Variants in PTK2 observed in about 807,000 individuals in gnomAD.
PTK2 encodes protein tyrosine kinase 2, also known as focal adhesion kinase 1.
Under a neutral mutation model 150.1 loss-of-function variants are expected in PTK2, and 45 were observed. The observed-to-expected ratio is 0.30, with a 90% CI of 0.24 to 0.38. PTK2 has a LOEUF of 0.38. PTK2 is among the 10% of genes least tolerant of loss of function. The pLI is 1.00. For missense variants in PTK2, 919 were observed against 1,307.3 expected (o/e 0.70, Z 4.58); for synonymous variants, 432 against 449.2 (o/e 0.96, Z 0.48).
intron 27 of PTK2, among the ~76,000 whole-genome samples, chr8:140,686,226 C>A (rs757320107): frequency 1.3e-5 from 2 of 151,996 alleles, no homozygotes; most frequent in Non-Finnish European, 2.9e-5. Context: ...CAACAGACTC[C>A]GGGGCCCACT....
chr8:140,854,423 A>C (rs1373672586), intron 5 of PTK2, among the ~76,000 whole-genome samples: 1 of 152,226 alleles, frequency 6.6e-6, no homozygotes, highest in Non-Finnish European at 1.5e-5. Context: ...CCAATGAAAT[A>C]CTTATAACTT....
intron 1 of PTK2, among the ~76,000 whole-genome samples, chr8:141,000,127 C>CACACACACACACACACACA (rs58481152): frequency 0.016 from 2,026 of 123,720 alleles, 66 homozygotes; most frequent in African/African-American, 0.021. Context: ...ACACACACAC[C>CACACACACACACACACACA]CCTTCTTCTA....
At chr8:140,966,333 C>T (rs1328813083) in intron 1 of PTK2, among the ~76,000 whole-genome samples, 3 of 152,196 alleles carry the variant, frequency 2.0e-5, no homozygotes, top group Non-Finnish European at 4.4e-5. Flanking sequence ...ATTCTGATAA[C>T]CGCTTTTTGC....
At chr8:140,849,029 G>C (rs1229688292) in intron 5 of PTK2, among the ~76,000 whole-genome samples, 1 of 151,954 alleles carries the variant, frequency 6.6e-6, no homozygotes, top group Non-Finnish European at 1.5e-5. Context: ...TTGTAAAAAT[G>C]AAAAAGGGGG....
intron 2 of PTK2, among the ~76,000 whole-genome samples, chr8:140,916,144 T>G (rs966255625): frequency 6.6e-6 from 1 of 152,210 alleles, no homozygotes; most frequent in East Asian, 1.9e-4. Flanking sequence ...GTCTTTCTGT[T>G]AAGACATCTG....
At chr8:140,679,690 C>A (rs1219080063) in intron 27 of PTK2, among the ~76,000 whole-genome samples, 4 of 152,134 alleles carry the variant, frequency 2.6e-5, no homozygotes, top group Non-Finnish European at 5.9e-5. Context: ...ATGCTGTCAA[C>A]CTGTGTATTA....
chr8:140,753,257 G>A (rs2100063820), intron 16 of PTK2, among the ~76,000 whole-genome samples: 1 of 152,180 alleles, frequency 6.6e-6, no homozygotes, highest in Non-Finnish European at 1.5e-5. Context: ...ATACTCTGAA[G>A]CTAGGGCAAA....
intron 18 of PTK2, among the ~76,000 whole-genome samples, chr8:140,745,797 C>T (rs1464702788): frequency 1.3e-5 from 2 of 151,984 alleles, no homozygotes; most frequent in Non-Finnish European, 1.5e-5. Flanking sequence ...GTCAGGGGTT[C>T]GAGACCAGCC....
At chr8:140,820,890 G>A (rs2100108158) in intron 8 of PTK2, 2 of 152,264 alleles carry the variant, frequency 1.3e-5, no homozygotes, top group South Asian at 4.2e-4. Flanking sequence ...GAGCAGCCAG[G>A]GGCCCAGGTT....
rs533089786 is a variant in PTK2, at chr8:140,679,003, GTTTTT to G, written c.2563-3509_2563-3505del. 2.2e-3 allele frequency among the ~76,000 whole-genome samples: 149 copies of G among 68,954 alleles called. 2 individuals carry two copies. Among genetic ancestry groups the G allele is most frequent in the African/African-American group, 5.8e-3 (91 of 15,706 alleles). The allele number at this position is 68,954 out of a possible 152,430, so 45.2% of individuals were successfully genotyped here. ...TCACGGCCAGCTGAGTGCTCCCCAT[GTTTTT>G]TTTTTTTTTTTTTTTTTTTTTTTTT... On this transcript the variant is annotated intron_variant, in intron 27 of 31. Transcript: ENST00000522684.
chr8:140,781,923 G>A (rs1348640904), intron 14 of PTK2, among the ~76,000 whole-genome samples: 1 of 152,212 alleles, frequency 6.6e-6, no homozygotes, highest in African/African-American at 2.4e-5. Context: ...GTAATGGTGG[G>A]AGAGGGAGGG....
At chr8:140,895,728 T>G (rs748965055) in intron 2 of PTK2, among the ~76,000 whole-genome samples, 5 of 152,116 alleles carry the variant, frequency 3.3e-5, no homozygotes, top group Non-Finnish European at 5.9e-5. Context: ...TTAGAATGTT[T>G]GTAACACCAA....
At chr8:140,951,462 G>A (rs1397846552) in intron 1 of PTK2, among the ~76,000 whole-genome samples, 1 of 152,158 alleles carries the variant, frequency 6.6e-6, no homozygotes, top group African/African-American at 2.4e-5. Context: ...CTGACCATCT[G>A]TCCAGAATTT....
chr8:140,671,414 G>A (rs2095386299), intron 29 of PTK2, among the ~76,000 whole-genome samples: 1 of 152,058 alleles, frequency 6.6e-6, no homozygotes, highest in Non-Finnish European at 1.5e-5. Context: ...TAGAGACAGG[G>A]TTTTGCCATG....
intron 4 of PTK2, among the ~76,000 whole-genome samples, chr8:140,865,514 AT>A (rs894225224): frequency 4.2e-4 from 64 of 151,482 alleles, no homozygotes; most frequent in African/African-American, 1.4e-3. Context: ...GCTTAATGGT[AT>A]TTTTTTTTAA....
At chr8:140,853,993 C>T (rs1244727269) in intron 5 of PTK2, among the ~76,000 whole-genome samples, 2 of 152,006 alleles carry the variant, frequency 1.3e-5, no homozygotes, top group African/African-American at 2.4e-5. Flanking sequence ...TGTAAAACTA[C>T]AAAAGAAAAC....
chr8:140,783,677 C>T (rs1566284084), intron 14 of PTK2, among the ~76,000 whole-genome samples: 1 of 152,018 alleles, frequency 6.6e-6, no homozygotes, highest in Non-Finnish European at 1.5e-5. Flanking sequence ...AATGAAGCAG[C>T]TTAATACAAA....
At chr8:140,970,566 T>C (rs920843532) in intron 1 of PTK2, among the ~76,000 whole-genome samples, 1 of 152,270 alleles carries the variant, frequency 6.6e-6, no homozygotes, top group Non-Finnish European at 1.5e-5. Flanking sequence ...CAGCTCTTCC[T>C]GGCAAATCTG....
chr8:140,858,260 A>C (rs905666664), intron 5 of PTK2, among the ~76,000 whole-genome samples: 18 of 152,212 alleles, frequency 1.2e-4, no homozygotes, highest in Admixed American at 9.2e-4. Context: ...ATATGGAGAG[A>C]CTGAGGAGTT....
Sources: allele counts gnomAD v4.1 joint callset (sites outside exome capture counted in the v4.1 genomes callset), GRCh38; gene constraint gnomAD v4.1.1; transcripts MANE v1.5; gene names NCBI Gene and HGNC (gene_info 2026-07-23, HGNC 2026-07-21).